The following PACS2 variants were observed in gnomAD, a reference collection of about 807,000 sequenced individuals.
PACS2 encodes PACS1-like protein.
A neutral mutation model predicts 113.0 loss-of-function variants in PACS2; 36 were observed. The observed-to-expected ratio is 0.32, with a 90% CI of 0.24 to 0.42. PACS2 has a LOEUF of 0.42. Ranked by LOEUF, PACS2 falls within the 10% of genes least tolerant of loss-of-function variation. The pLI is 1.00. For missense variants in PACS2, 1,015 were observed against 1,239.5 expected, an observed-to-expected ratio of 0.82 and a Z score of 2.72; for synonymous variants, 589 against 536.1, an observed-to-expected ratio of 1.10 and a Z score of -1.36.
At chr14:105,361,974 T>C (rs1468558640) in intron 4 of PACS2, among the ~76,000 whole-genome samples, 3 of 149,082 alleles carry the variant, frequency 2.0e-5, no homozygotes, top group Non-Finnish European at 4.5e-5. Context: ...AAAAAACGAA[T>C]TAGTGGAGTG....
At position 105,330,166 on chromosome 14, in the gene PACS2, C is replaced by T. The variant is rs1454896898; in HGVS notation, c.119+15129C>T. Among the ~76,000 whole-genome samples the T allele has an allele frequency of 7.6e-6, 1 of 131,972 alleles. No individual in the cohort carries two copies. The highest frequency in any genetic ancestry group is 1.6e-5 in the Non-Finnish European group (1 of 62,990). 86.6% of individuals were successfully genotyped at this position (131,972 alleles called of 152,430 possible). On this transcript the variant is annotated intron_variant, in intron 1 of 24. Transcript: ENST00000447393. The surrounding 1 kb of genome is among the most constrained non-coding windows in gnomAD (Gnocchi z 6.9). Reference sequence around the variant, plus strand: ...GGGAGCCTCCGAGAAGCCTGGGGTCCGTGTGTGGGACGGAACGGGGACAGG... The same window carrying T: ...GGGAGCCTCCGAGAAGCCTGGGGTCTGTGTGTGGGACGGAACGGGGACAGG...
intron 24 of PACS2, chr14:105,394,203 C>A (rs1378351226): frequency 1.0e-6 from 1 of 985,298 alleles, no homozygotes; most frequent in African/African-American, 1.7e-5. Context: ...GGGGCTCCCA[C>A]TGTCTTCTTC....
chr14:105,334,482 G>T (rs2059427298), intron 1 of PACS2, among the ~76,000 whole-genome samples: 3 of 152,174 alleles, frequency 2.0e-5, no homozygotes. Context: ...CCCACCTGAG[G>T]CCCAGTGTCT....
intron 1 of PACS2, among the ~76,000 whole-genome samples, chr14:105,307,505 G>T (rs587652689): frequency 2.6e-4 from 39 of 152,142 alleles, no homozygotes; most frequent in African/African-American, 9.2e-4. Context: ...CCCTCCTCCT[G>T]GGAACTGTGA....
chr14:105,364,431 G>A lies in PACS2; in HGVS notation c.424-2782G>A, dbSNP rs868964044. Among the ~76,000 whole-genome samples the A allele has an allele frequency of 8.2e-3, 1,061 of 129,508 alleles. 20 individuals carry two copies. The highest frequency in any genetic ancestry group is 0.033 in the African/African-American group (1,009 of 30,432). 85.0% of individuals were successfully genotyped at this position (129,508 alleles called of 152,430 possible). The stretch of plus-strand genomic sequence containing the variant: ...GCGCGGTGGGCGGTGTCCCGGGTGC[G>A]CGGTGGGCGGCGTCCCGGGTGCGCG... On this transcript the variant is annotated intron_variant, in intron 4 of 24. Coordinates refer to ENST00000447393, the MANE Select transcript of PACS2 (RefSeq NM_001100913.3).
At chr14:105,393,978 C>T (rs1443922561) in intron 24 of PACS2, among the ~76,000 whole-genome samples, 2 of 144,514 alleles carry the variant, frequency 1.4e-5, no homozygotes, top group Non-Finnish European at 3.0e-5. Flanking sequence ...GCGGAGCTTG[C>T]AGTGAGCCGA....
rs1555415261 is a variant in PACS2, at chr14:105,392,706, G to A, written c.2343G>A (p.Lys781=). Residue 781 remains lysine, a synonymous_variant, in exon 23 of 25, where the codon AAG becomes AAA. Transcript: ENST00000447393. ...CGGACAGGAAGAGGGACGCCGAGAA[G>A]AAGGACCTGCCTGTCACCAAAAACA... is the stretch of plus-strand genomic sequence containing the variant. ...QPADRKRDAE[K]KDLPVTKNTL... 2.5e-6 allele frequency: 4 copies of A among 1,613,012 alleles called. No individual in the cohort carries two copies. In the South Asian group the frequency reaches 3.3e-5, roughly 13 times the overall value.
chr14:105,377,840 A>G (rs1360326836), intron 9 of PACS2, among the ~76,000 whole-genome samples: 2 of 152,196 alleles, frequency 1.3e-5, no homozygotes, highest in Admixed American at 6.5e-5. Flanking sequence ...CTGTGGCCTC[A>G]TTCTTGGCCA....
At chr14:105,338,117 G>A (rs782240084) in intron 1 of PACS2, among the ~76,000 whole-genome samples, 1 of 152,222 alleles carries the variant, frequency 6.6e-6, no homozygotes, top group Non-Finnish European at 1.5e-5. Context: ...CCTGGCGCTG[G>A]CCCGGTTTCC....
At chr14:105,390,125 G>T (rs587658015) in intron 20 of PACS2, 122 bp downstream of exon 20, 7 of 929,478 alleles carry the variant, frequency 7.5e-6, no homozygotes, top group South Asian at 6.6e-5. Flanking sequence ...ACGAGCTGGG[G>T]ATTTGCCTTC....
chr14:105,391,836 C>T (rs1555415018), intron 22 of PACS2, 70 bp downstream of exon 22: 3 of 1,443,828 alleles, frequency 2.1e-6, no homozygotes, highest in Non-Finnish European at 2.8e-6. Flanking sequence ...TTCAGTCATC[C>T]TCCCCTATGT....
Position 105,340,497 on chromosome 14 carries a change from A to G in PACS2, c.120-7996A>G, listed in dbSNP as rs1333856449. ...CAGTGAAACTGTCCCACCTCCGATC[A>G]TCAGCCATCAGATTCTCATAAGCAG... On this transcript the variant is annotated intron_variant, in intron 1 of 24. Coordinates refer to ENST00000447393, the MANE Select transcript of PACS2 (RefSeq NM_001100913.3). This position sits in a 1 kb window ranked among gnomAD's most constrained non-coding sequence, Gnocchi z 4.2. 6.6e-6 allele frequency among the ~76,000 whole-genome samples: 1 copy of G among 152,208 alleles called. No individual in the cohort carries two copies. Among genetic ancestry groups the G allele is most frequent in the African/African-American group, 2.4e-5 (1 of 41,456 alleles).
chr14:105,385,094 T>C, intron 18 of PACS2, 107 bp downstream of exon 18: 1 of 748,728 alleles, frequency 1.3e-6, no homozygotes, highest in Non-Finnish European at 2.3e-6. Context: ...CGCAGAGCCC[T>C]GCACCGGGCT....
Position 105,323,060 on chromosome 14 carries a change from C to T in PACS2, c.119+8023C>T, listed in dbSNP as rs7146660. Among the ~76,000 whole-genome samples, 8,268 of 152,122 alleles carry T rather than the reference C, an allele frequency of 0.054. 767 individuals are homozygous for T. The highest frequency in any genetic ancestry group is 0.19 in the African/African-American group (7,913 of 41,438). The stretch of plus-strand genomic sequence containing the variant: ...GCGGCCGTGACAGGCTGGAGGGAGA[C>T]GTCTGGGTGGCTTTGTGGTCATGTC... On this transcript the variant is annotated intron_variant, in intron 1 of 24. Transcript: ENST00000447393. This position sits in a 1 kb window ranked among gnomAD's most constrained non-coding sequence, Gnocchi z 4.1.
chr14:105,313,585 C>T (rs1234674132), upstream of PACS2, among the ~76,000 whole-genome samples: 1 of 152,230 alleles, frequency 6.6e-6, no homozygotes, highest in Non-Finnish European at 1.5e-5. Flanking sequence ...GAGGAAGCAG[C>T]GGCATGAGGG....
chr14:105,355,103 C>T lies in PACS2; in HGVS notation c.349C>T (p.Arg117Cys). 6.2e-7 allele frequency: 1 copy of T among 1,613,594 alleles called. No individual in the cohort carries two copies. The highest frequency in any genetic ancestry group is 8.5e-7 in the Non-Finnish European group (1 of 1,179,876). Residue 117 changes from arginine to cysteine, a missense_variant, in exon 4 of 25, where the codon CGC (arginine) becomes TGC (cysteine). Physicochemically the swap from Arg to Cys is radical, Grantham distance 180 (BLOSUM62 -3). Coordinates refer to ENST00000447393, the MANE Select transcript of PACS2 (RefSeq NM_001100913.3). The surrounding 1 kb of genome is among the most constrained non-coding windows in gnomAD (Gnocchi z 4.1). ...CAACAAGCTTCAGATCATGCTGCAG[C>T]GCAGAAAGCGCTACAAGAACAGAAC... ...EGNKLQIMLQ[R>C]RKRYKNRTIL...
intron 1 of PACS2, among the ~76,000 whole-genome samples, chr14:105,301,706 C>T (rs1308463838): frequency 1.3e-5 from 2 of 152,232 alleles, no homozygotes; most frequent in African/African-American, 4.8e-5. Flanking sequence ...CATTCGTGGC[C>T]ACCTGTGGTT....
rs139536717 is a variant in PACS2 at position 105,391,641 on chromosome 14, C to G, written c.2130C>G (p.Asp710Glu). ...EPSSATSGDS[D>E]DAAPSGSGTL... ...GACTCCTCCCCAAAGGCGACTCGGA[C>G]GACGCGGCCCCCTCGGGCTCTGGCA... The change falls in exon 22 of 25, where the codon GAC (aspartate) becomes GAG (glutamate). Residue 710 changes from aspartate (D) to glutamate (E), a missense_variant. By Grantham distance (45) the Asp-to-Glu change is conservative. Coordinates refer to ENST00000447393, the MANE Select transcript of PACS2 (RefSeq NM_001100913.3). 2 of 1,609,592 alleles carry G rather than the reference C, an allele frequency of 1.2e-6. No individual in the cohort carries two copies. Among genetic ancestry groups the G allele is most frequent in the East Asian group, 4.5e-5 (2 of 44,838 alleles).
intron 19 of PACS2, among the ~76,000 whole-genome samples, chr14:105,386,609 AC>A (rs1254585581): frequency 3.3e-5 from 5 of 151,216 alleles, no homozygotes; most frequent in African/African-American, 7.3e-5. Flanking sequence ...CTCGTTCTCT[AC>A]CCCGTGTCTT....
Sources: gnomAD v4.1 joint callset for allele counts (sites outside exome capture counted in the v4.1 genomes callset) on GRCh38, gnomAD v4.1.1 for gene constraint, Gnocchi (gnomAD v3.1) non-coding constraint, MANE v1.5 for transcripts, NCBI Gene and HGNC (gene_info 2026-07-23, HGNC 2026-07-21) for gene names.